The following SPTBN1 variants were observed in gnomAD, a reference collection of about 807,000 sequenced individuals.
SPTBN1 encodes the protein spectrin beta, non-erythrocytic 1, also known as spectrin beta chain, non-erythrocytic 1.
SPTBN1 carries 32 observed loss-of-function variants against 266.4 expected under a neutral mutation model. That is an observed-to-expected ratio of 0.12 (90% CI 0.09 to 0.16). SPTBN1 has a LOEUF of 0.16. Ranked by LOEUF, SPTBN1 falls within the 10% of genes least tolerant of loss-of-function variation. SPTBN1 has a pLI of 1.00. For missense variants in SPTBN1, 2,296 were observed against 3,067.1 expected (o/e 0.75, Z 5.94); for synonymous variants, 1,336 against 1,162.2 (o/e 1.15, Z -3.04).
At position 54,481,852 on chromosome 2, in the gene SPTBN1, A is replaced by G. The variant is rs958924456; in HGVS notation, c.-48+25334A>G. ...TTGTTAACTGGTAACTTTCCAGAAAATGAATTATTTGTATATAAAGATTGA... is the reference window on the plus strand; with the variant it reads ...TTGTTAACTGGTAACTTTCCAGAAAGTGAATTATTTGTATATAAAGATTGA... On this transcript the variant is annotated intron_variant, in intron 1 of 35. Coordinates refer to ENST00000356805, the MANE Select transcript of SPTBN1 (RefSeq NM_003128.3). Among the ~76,000 whole-genome samples, 4 of 152,290 alleles carry G rather than the reference A, an allele frequency of 2.6e-5. No individual in the cohort carries two copies. In the East Asian group the frequency reaches 7.7e-4, roughly 29 times the overall value.
intron 2 of SPTBN1, among the ~76,000 whole-genome samples, chr2:54,568,411 T>C (rs1244431439): frequency 6.6e-6 from 1 of 151,692 alleles, no homozygotes; most frequent in Non-Finnish European, 1.5e-5. Flanking sequence ...GGTGTCTGCC[T>C]TCTAACTCCT....
chr2:54,620,068 G>A (rs1677893852), intron 7 of SPTBN1, among the ~76,000 whole-genome samples: 4 of 152,164 alleles, frequency 2.6e-5, no homozygotes, highest in Admixed American at 2.6e-4. Flanking sequence ...GAACTTCAAA[G>A]ACTTGCCATT....
chr2:54,479,034 T>G (rs1352998974), intron 1 of SPTBN1, among the ~76,000 whole-genome samples: 1 of 152,196 alleles, frequency 6.6e-6, no homozygotes, highest in African/African-American at 2.4e-5. Flanking sequence ...CAACTGAGTG[T>G]CCTGGCTGCC....
intron 1 of SPTBN1, among the ~76,000 whole-genome samples, chr2:54,515,513 G>C (rs1048481243): frequency 2.0e-5 from 3 of 151,856 alleles, no homozygotes; most frequent in African/African-American, 7.3e-5. Context: ...TCCCTTATCA[G>C]GAATTTTTTA....
At chr2:54,610,186 G>A (rs939400961) in intron 3 of SPTBN1, among the ~76,000 whole-genome samples, 4 of 151,060 alleles carry the variant, frequency 2.6e-5, no homozygotes, top group South Asian at 2.1e-4. Context: ...ACCTCTTTCC[G>A]AAATTATCAG....
chr2:54,593,146 G>A (rs1423156425), intron 2 of SPTBN1, among the ~76,000 whole-genome samples: 1 of 152,134 alleles, frequency 6.6e-6, no homozygotes, highest in African/African-American at 2.4e-5. Flanking sequence ...TCTTGTCTCA[G>A]TAGTTCTCAT....
Position 54,489,839 on chromosome 2 carries a change from G to A in SPTBN1, c.-48+33321G>A, listed in dbSNP as rs1209213675. ...TTGGAAAACACTCCTGAGAATGTAGGTTATTTATAGAAGATGTCCTTTACT... is the reference window on the plus strand; with the variant it reads ...TTGGAAAACACTCCTGAGAATGTAGATTATTTATAGAAGATGTCCTTTACT... On this transcript the variant is annotated intron_variant, in intron 1 of 35. Coordinates refer to ENST00000356805, the MANE Select transcript of SPTBN1 (RefSeq NM_003128.3). Among the ~76,000 whole-genome samples the A allele has an allele frequency of 1.3e-5, 2 of 152,322 alleles. 1 individual carries two copies.
intron 24 of SPTBN1, 88 bp downstream of exon 24, chr2:54,647,349 G>A (rs1679990912): frequency 1.9e-6 from 3 of 1,539,432 alleles, no homozygotes; most frequent in East Asian, 4.5e-5. Context: ...GAAAATGTCA[G>A]CATTCATCAT....
At chr2:54,463,881 A>G (rs1048445583) in intron 1 of SPTBN1, among the ~76,000 whole-genome samples, 6 of 152,252 alleles carry the variant, frequency 3.9e-5, no homozygotes, top group Admixed American at 2.0e-4. Context: ...TTTTTAAACA[A>G]ACAATAAAAT....
In SPTBN1 at chr2:54,622,422, A is replaced by G. The variant is rs765287409; in HGVS notation, c.999A>G (p.Ser333=). The G allele has an allele frequency of 6.2e-7, 1 of 1,614,092 alleles. No individual in the cohort carries two copies. The highest frequency in any genetic ancestry group is 1.7e-5 in the Admixed American group (1 of 60,000). ...IILNNRKFAN[S]LVGVQQQLQA... is the part of the protein sequence containing the mutation. ...TGAACAATCGCAAATTTGCCAATTCACTGGTCGGGGTTCAACAGCAGCTTC... is the reference window on the plus strand; with the variant it reads ...TGAACAATCGCAAATTTGCCAATTCGCTGGTCGGGGTTCAACAGCAGCTTC... Residue 333 remains serine, a synonymous_variant, in exon 9 of 36, where the codon TCA becomes TCG. Coordinates refer to ENST00000356805, the MANE Select transcript of SPTBN1 (RefSeq NM_003128.3).
At chr2:54,623,452 C>G (rs1162219021) in intron 9 of SPTBN1, 27 bp from the exon 10 acceptor site, 2 of 1,605,616 alleles carry the variant, frequency 1.2e-6, no homozygotes, top group Admixed American at 3.4e-5. Context: ...TCTCCAGTAC[C>G]AAATGAATGT....
At chr2:54,516,656 CAA>C (rs1190818365) in intron 1 of SPTBN1, among the ~76,000 whole-genome samples, 6 of 152,106 alleles carry the variant, frequency 3.9e-5, no homozygotes, top group African/African-American at 1.2e-4. Context: ...TAGATTGAAA[CAA>C]AGAGAGGCAT....
chr2:54,558,009 C>G lies in SPTBN1; in HGVS notation c.148+31443C>G, dbSNP rs1397238384. ...TAGAGAGTGAATGAGCCGCGCGGGC[C>G]CGGGACCCTTGGGGCTCTTCACTCT... On this transcript the variant is annotated intron_variant, in intron 2 of 35. Transcript: ENST00000356805. This position sits in a 1 kb window ranked among gnomAD's most constrained non-coding sequence, Gnocchi z 4.6. 7.1e-6 allele frequency: 7 copies of G among 985,324 alleles called. No individual in the cohort carries two copies. The highest frequency in any genetic ancestry group is 8.4e-6 in the Non-Finnish European group (7 of 829,932). 61.0% of individuals were successfully genotyped at this position (985,324 alleles called of 1,614,324 possible). A position where few individuals can be genotyped will look rare whatever the true frequency, so the allele number is the denominator to read the frequency against.
chr2:54,630,950 A>G lies in SPTBN1; in HGVS notation c.2903A>G (p.Lys968Arg). The change falls in exon 16 of 36, where the codon AAA becomes AGA. Residue 968 changes from lysine (K) to arginine (R), a missense_variant. Physicochemically the swap from Lys to Arg is conservative, Grantham distance 26. Transcript: ENST00000356805. ...TACCACCTCGAGTGCAATGAAACCA[A>G]ATCCTGGATTCGGGAAAAGACCAAG... ...QNYHLECNET[K>R]SWIREKTKVI... 6.2e-7 allele frequency: 1 copy of G among 1,614,080 alleles called. No individual in the cohort carries two copies.
At chr2:54,495,534 G>A (rs1042272676) in intron 1 of SPTBN1, among the ~76,000 whole-genome samples, 1 of 152,094 alleles carries the variant, frequency 6.6e-6, no homozygotes, top group Non-Finnish European at 1.5e-5. Flanking sequence ...AGAAATTAAG[G>A]AAAATACACT....
intron 1 of SPTBN1, among the ~76,000 whole-genome samples, chr2:54,516,505 C>T (rs2104256837): frequency 6.6e-6 from 1 of 152,298 alleles, no homozygotes; most frequent in African/African-American, 2.4e-5. Context: ...AGTTGTTTAA[C>T]TCTTGGGGCC....
intron 1 of SPTBN1, among the ~76,000 whole-genome samples, chr2:54,471,039 A>G (rs1693893441): frequency 6.6e-6 from 1 of 152,132 alleles, no homozygotes; most frequent in South Asian, 2.1e-4. Flanking sequence ...TGGCCCAGGG[A>G]AGCCAAAAGA....
At position 54,562,404 on chromosome 2, in the gene SPTBN1, A is replaced by G. The variant is rs112770972; in HGVS notation, c.148+35838A>G. On this transcript the variant is annotated intron_variant, in intron 2 of 35. Coordinates refer to ENST00000356805, the MANE Select transcript of SPTBN1 (RefSeq NM_003128.3). The stretch of plus-strand genomic sequence containing the variant: ...TTCTTATTCTAATATATTCCATTCA[A>G]ATCTGGTAGGCAGGCCTACAGCTTT... Among the ~76,000 whole-genome samples, 190 of 152,150 alleles carry G rather than the reference A, an allele frequency of 1.2e-3. 2 individuals carry two copies. Among genetic ancestry groups the G allele is most frequent in the African/African-American group, 3.9e-3 (163 of 41,500 alleles).
chr2:54,504,725 G>C (rs1384108967), intron 1 of SPTBN1, among the ~76,000 whole-genome samples: 1 of 152,126 alleles, frequency 6.6e-6, no homozygotes, highest in Admixed American at 6.5e-5. Flanking sequence ...TTGCCCATGG[G>C]TAGTGAGGGA....
Sources: allele counts gnomAD v4.1 joint callset (sites outside exome capture counted in the v4.1 genomes callset), GRCh38; gene constraint gnomAD v4.1.1; non-coding constraint Gnocchi (gnomAD v3.1); transcripts MANE v1.5; gene names NCBI Gene and HGNC (gene_info 2026-07-23, HGNC 2026-07-21).